Variants in PIK3CD observed in about 807,000 individuals in gnomAD.
PIK3CD encodes the protein phosphatidylinositol 4,5-bisphosphate 3-kinase catalytic subunit delta isoform.
Under a neutral mutation model 122.9 loss-of-function variants are expected in PIK3CD, and 20 were observed. The observed-to-expected ratio is 0.16, with a 90% confidence interval of 0.11 to 0.24. The LOEUF is 0.24. Among genes scored for constraint, PIK3CD ranks in the 10% least tolerant of loss-of-function variants. The probability of loss-of-function intolerance (pLI) is 1.00; values close to 1 mark genes in which losing one functional copy is unlikely to be tolerated. For missense variants in PIK3CD, 787 were observed against 1,406.3 expected (o/e 0.56, Z 7.04); for synonymous variants, 596 against 593.4 (o/e 1.00, Z -0.06).
the PIK3CD span, among the ~76,000 whole-genome samples, chr1:9,643,492 G>T: frequency 7.8e-6 from 1 of 128,702 alleles, no homozygotes; most frequent in Non-Finnish European, 1.7e-5. Flanking sequence ...AGGGAGGGAG[G>T]GAGGGAAGGA....
In PIK3CD at chr1:9,727,490, G is replaced by A. The variant is rs553492761; in HGVS notation, c.*444G>A. On this transcript the variant is annotated 3_prime_UTR_variant, in exon 24 of 24. Transcript: ENST00000377346. ...CCACCCTGTGTATCCTCCCTAGACT[G>A]AGTTCTGGCAGCTCCCCGAGGCAGC... 7.0e-5 allele frequency: 20 copies of A among 285,838 alleles called. No homozygotes were observed. The highest frequency in any genetic ancestry group is 3.9e-4 in the African/African-American group (18 of 46,384). The allele number at this position is 285,838 out of a possible 1,614,324, so 17.7% of individuals were successfully genotyped here.
intron 2 of PIK3CD, among the ~76,000 whole-genome samples, chr1:9,699,229 A>T (rs549857868): frequency 1.9e-4 from 29 of 151,580 alleles, no homozygotes; most frequent in Non-Finnish European, 4.1e-4. Flanking sequence ...CCAAAAAAAG[A>T]GTAGGCTGCT....
At chr1:9,692,936 G>A (rs77960085) in intron 2 of PIK3CD, among the ~76,000 whole-genome samples, 4,250 of 152,174 alleles carry the variant, frequency 0.028, 189 homozygotes, top group African/African-American at 0.095. Flanking sequence ...AGATCATGTA[G>A]ACCCCTGTTG....
rs1278160223 is a variant in PIK3CD at position 9,652,188 on chromosome 1, AAGCGCTCAGCGCGTGCGCCCGCTCCG to A, written c.-138+393_-138+418del. ...GCCGGCTGAGGCGCGAGGATACTGG[AAGCGCTCAGCGCGTGCGCCCGCTCCG>A]AGCGCTGACTAGAGGACCAGGGGCC... is the stretch of plus-strand genomic sequence containing the variant. On this transcript the variant is annotated intron_variant, in intron 1 of 23. Coordinates refer to ENST00000377346, the MANE Select transcript of PIK3CD (RefSeq NM_005026.5). This position sits in a 1 kb window ranked among gnomAD's most constrained non-coding sequence, Gnocchi z 6.2. Among the ~76,000 whole-genome samples, 14 of 151,822 alleles carry A rather than the reference AAGCGCTCAGCGCGTGCGCCCGCTCCG, an allele frequency of 9.2e-5. No individual in the cohort carries two copies. The highest frequency in any genetic ancestry group is 1.6e-4 in the Non-Finnish European group (11 of 67,882).
At chr1:9,653,537 A>G (rs1286688862) in intron 1 of PIK3CD, 3 of 283,016 alleles carry the variant, frequency 1.1e-5, no homozygotes, top group Non-Finnish European at 2.1e-5. Context: ...CTTGGGGGGG[A>G]TTTGGAGGGG....
Position 9,718,985 on chromosome 1 carries a change from C to T in PIK3CD, c.1242+70C>T. 2 of 1,412,148 alleles carry T rather than the reference C, an allele frequency of 1.4e-6. No homozygotes were observed. The highest frequency in any genetic ancestry group is 2.4e-5 in the East Asian group (1 of 42,448). The allele number at this position is 1,412,148 out of a possible 1,614,324, so 87.5% of individuals were successfully genotyped here. A position where few individuals can be genotyped will look rare whatever the true frequency, so the allele number is the denominator to read the frequency against. ...CAGTACAGCCCCTTGCTGGGCCACTCACCACTCTCCTCCCGGCAAGCACGC... is the reference window on the plus strand; with the variant it reads ...CAGTACAGCCCCTTGCTGGGCCACTTACCACTCTCCTCCCGGCAAGCACGC... On this transcript the variant is annotated intron_variant, in intron 9 of 23. Coordinates refer to ENST00000377346, the MANE Select transcript of PIK3CD (RefSeq NM_005026.5). The surrounding 1 kb of genome is among the most constrained non-coding windows in gnomAD (Gnocchi z 7.2).
At chr1:9,655,697 C>CTTTTTTTT (rs576002642) in intron 1 of PIK3CD, among the ~76,000 whole-genome samples, 1 of 120,734 alleles carries the variant, frequency 8.3e-6, no homozygotes, top group African/African-American at 3.3e-5. Flanking sequence ...CTTTTTTCTT[C>CTTTTTTTT]TTTTTTTTTT....
chr1:9,728,588 C>T lies in PIK3CD; in HGVS notation c.*1542C>T, dbSNP rs553526734. ...GTCCGTCAGTAGTCATTGCCACCCG[C>T]GGGGCACCTCCCTGGCCACACGCCT... On this transcript the variant is annotated 3_prime_UTR_variant, in exon 24 of 24. Transcript: ENST00000377346. 1.3e-5 allele frequency: 2 copies of T among 152,264 alleles called. No homozygotes were observed. Among genetic ancestry groups the T allele is most frequent in the African/African-American group, 2.4e-5 (1 of 41,464 alleles). The allele number at this position is 152,264 out of a possible 1,614,324, so 9.4% of individuals were successfully genotyped here.
chr1:9,684,862 GAAAGAAA>G (rs1227011762), intron 1 of PIK3CD, among the ~76,000 whole-genome samples: 9 of 127,984 alleles, frequency 7.0e-5, no homozygotes, highest in South Asian at 2.6e-4. Context: ...AAAAAAAAAA[GAAAGAAA>G]AAAGAAAAAA....
At chr1:9,656,701 G>A (rs1239597174) in intron 1 of PIK3CD, among the ~76,000 whole-genome samples, 2 of 152,174 alleles carry the variant, frequency 1.3e-5, no homozygotes, top group Non-Finnish European at 2.9e-5. Context: ...CCAGCACTTT[G>A]GGAGGCTGAG....
At chr1:9,676,549 T>G (rs558466493) in intron 1 of PIK3CD, among the ~76,000 whole-genome samples, 1 of 152,224 alleles carries the variant, frequency 6.6e-6, no homozygotes, top group Non-Finnish European at 1.5e-5. Context: ...CTCAATGGCC[T>G]CCTTGCCCAA....
chr1:9,668,767 C>G (rs985700447), intron 1 of PIK3CD, among the ~76,000 whole-genome samples: 1 of 152,138 alleles, frequency 6.6e-6, no homozygotes, highest in South Asian at 2.1e-4. Flanking sequence ...AGCTGACAAC[C>G]TCTTTCTGTC....
At chr1:9,654,063 C>A in intron 1 of PIK3CD, 1 of 1,209,202 alleles carries the variant, frequency 8.3e-7, no homozygotes, top group South Asian at 1.3e-5. Context: ...AGAGCAAGAG[C>A]CCATCTCTGA....
rs1322518561 is a variant in PIK3CD, at chr1:9,704,901, G to A, written c.-32-5523G>A. 6.6e-6 allele frequency among the ~76,000 whole-genome samples: 1 copy of A among 152,232 alleles called. No homozygotes were observed. Among genetic ancestry groups the A allele is most frequent in the Non-Finnish European group, 1.5e-5 (1 of 68,040 alleles). ...CAAAGTAGGATGTGGTTTTGCAATT[G>A]GAGGAAGTGGCGACCAGCAGTGGCA... On this transcript the variant is annotated intron_variant, in intron 2 of 23. Transcript: ENST00000377346. This position sits in a 1 kb window ranked among gnomAD's most constrained non-coding sequence, Gnocchi z 5.0.
upstream of PIK3CD, among the ~76,000 whole-genome samples, chr1:9,650,871 T>C (rs1343212411): frequency 2.0e-5 from 3 of 152,108 alleles, no homozygotes; most frequent in African/African-American, 7.2e-5. Flanking sequence ...TGAGACAGGG[T>C]CTCACTTTGT....
At chr1:9,674,692 C>CA (rs35463378) in intron 1 of PIK3CD, among the ~76,000 whole-genome samples, 8,415 of 57,682 alleles carry the variant, frequency 0.15, 514 homozygotes, top group Admixed American at 0.25. Context: ...GACTCCGTCT[C>CA]AAAAAAAAAA....
At chr1:9,714,593 AC>A (rs1393940387) in intron 3 of PIK3CD, among the ~76,000 whole-genome samples, 2 of 151,810 alleles carry the variant, frequency 1.3e-5, no homozygotes, top group Admixed American at 1.3e-4. Context: ...CACACCTTGG[AC>A]CCCTCCAGGC....
In PIK3CD at chr1:9,724,577, C is replaced by G. The variant is rs1570401511; in HGVS notation, c.2864+156C>G. Among the ~76,000 whole-genome samples, 1 of 152,220 alleles carries G rather than the reference C, an allele frequency of 6.6e-6. No homozygotes were observed. The highest frequency in any genetic ancestry group is 2.4e-5 in the African/African-American group (1 of 41,456). ...GATGGGTTTGGAACATGCCCCTGCT[C>G]CACCCTGCAGTGCCCCTTTTGGGCA... On this transcript the variant is annotated intron_variant, in intron 22 of 23. Coordinates refer to ENST00000377346, the MANE Select transcript of PIK3CD (RefSeq NM_005026.5). The surrounding 1 kb of genome is among the most constrained non-coding windows in gnomAD (Gnocchi z 7.3).
At chr1:9,692,541 C>T (rs1046551800) in intron 2 of PIK3CD, among the ~76,000 whole-genome samples, 41 of 150,434 alleles carry the variant, frequency 2.7e-4, no homozygotes, top group Middle Eastern at 3.4e-3. Context: ...CCTGGCCAAC[C>T]AACATGGTGA....
Sources: allele counts gnomAD v4.1 joint callset (sites outside exome capture counted in the v4.1 genomes callset), GRCh38; gene constraint gnomAD v4.1.1; non-coding constraint Gnocchi (gnomAD v3.1); transcripts MANE v1.5; gene names NCBI Gene and HGNC (gene_info 2026-07-23, HGNC 2026-07-21).